The following SNX18 variants were observed in gnomAD, a reference collection of about 807,000 sequenced individuals.
SNX18 encodes the protein sorting nexin-18.
Under a neutral mutation model 48.7 loss-of-function variants are expected in SNX18, and 35 were observed. That is an observed-to-expected ratio of 0.72 (90% confidence interval 0.55 to 0.95). The LOEUF (loss-of-function observed/expected upper bound fraction) is 0.95, where lower values mean the gene tolerates loss of function less well. Among genes scored for constraint, SNX18 ranks in the 40% least tolerant of loss-of-function variants. SNX18 has a pLI of 0.00. For synonymous variants in SNX18, 492 were observed against 384.7 expected (o/e 1.28, Z -3.26); for missense variants, 824 against 871.0 (o/e 0.95, Z 0.68).
the SNX18 span, chr5:54,644,521 T>C: frequency 6.6e-6 from 1 of 152,186 alleles, no homozygotes; most frequent in Non-Finnish European, 1.5e-5. Flanking sequence ...TAAGAGAAAC[T>C]CAATTCGTTG....
At chr5:54,575,835 C>G in the SNX18 span, among the ~76,000 whole-genome samples, 1 of 152,138 alleles carries the variant, frequency 6.6e-6, no homozygotes, top group Non-Finnish European at 1.5e-5. Flanking sequence ...GTTTTACATC[C>G]TTCACCCCCA....
At chr5:54,642,622 C>T in the SNX18 span, among the ~76,000 whole-genome samples, 1 of 152,146 alleles carries the variant, frequency 6.6e-6, no homozygotes, top group Non-Finnish European at 1.5e-5. Context: ...GATGCAGGTC[C>T]ATATCCATGG....
chr5:54,534,241 T>TC (rs1225935089), intron 1 of SNX18, among the ~76,000 whole-genome samples: 2 of 151,504 alleles, frequency 1.3e-5, no homozygotes, highest in African/African-American at 2.4e-5. Flanking sequence ...TTTTTTCTTT[T>TC]TTTTTTTTTT....
intron 1 of SNX18, among the ~76,000 whole-genome samples, chr5:54,527,696 C>T (rs1325660348): frequency 1.3e-5 from 2 of 152,106 alleles, no homozygotes; most frequent in African/African-American, 4.8e-5. Context: ...ATTGTCTGTG[C>T]GGTGCTCAGT....
the SNX18 span, among the ~76,000 whole-genome samples, chr5:54,618,274 C>A: frequency 6.6e-6 from 1 of 152,204 alleles, no homozygotes; most frequent in Non-Finnish European, 1.5e-5. Flanking sequence ...CCAGGCCATG[C>A]GAAACTGTGA....
At chr5:54,529,325 G>T (rs1580099793) in intron 1 of SNX18, among the ~76,000 whole-genome samples, 1 of 152,164 alleles carries the variant, frequency 6.6e-6, no homozygotes, top group Non-Finnish European at 1.5e-5. Context: ...CTGGAGCGGG[G>T]TCTGCAGACT....
intron 1 of SNX18, among the ~76,000 whole-genome samples, chr5:54,524,864 CA>C (rs1432936282): frequency 6.6e-6 from 1 of 152,238 alleles, no homozygotes; most frequent in African/African-American, 2.4e-5. Context: ...ACAGGTCAGC[CA>C]GCCTCGGCAG....
the SNX18 span, chr5:54,644,279 G>A: frequency 1.3e-5 from 2 of 152,374 alleles, no homozygotes; most frequent in African/African-American, 2.4e-5. Context: ...ACAGCCAAGA[G>A]TGATGATAGC....
intron 1 of SNX18, chr5:54,521,012 C>T (rs1229528788): frequency 1.8e-5 from 3 of 164,798 alleles, no homozygotes; most frequent in Admixed American, 6.6e-5. Context: ...TTACCTATGC[C>T]TTTTTTTAAA....
Position 54,518,934 on chromosome 5 carries a change from C to G in SNX18, c.982C>G (p.Pro328Ala). The change falls in exon 1 of 2, where the codon CCG (proline) becomes GCG (alanine). Residue 328 changes from proline to alanine, a missense_variant. Physicochemically the swap from Pro to Ala is conservative, Grantham distance 27 (BLOSUM62 -1). This residue lies in a region of SNX18 where 443 missense variants were observed against 503.6 expected (regional missense o/e 0.88). Coordinates refer to ENST00000381410, the MANE Select transcript of SNX18 (RefSeq NM_001102575.2). ...GTACGCGCGCCTGGCGGAGAAGTTC[C>G]CGGTCATCTCCGTGCCCCACCTGCC... ...WLYARLAEKF[P>A]VISVPHLPEK... The G allele has an allele frequency of 6.2e-7, 1 of 1,613,840 alleles. No homozygotes were observed. Among genetic ancestry groups the G allele is most frequent in the Non-Finnish European group, 8.5e-7 (1 of 1,180,026 alleles).
the SNX18 span, among the ~76,000 whole-genome samples, chr5:54,559,828 A>C: frequency 6.6e-6 from 1 of 152,238 alleles, no homozygotes; most frequent in Non-Finnish European, 1.5e-5. Context: ...AAGGTCTAAT[A>C]TCCAGCATCT....
chr5:54,559,222 A>T, the SNX18 span, among the ~76,000 whole-genome samples: 1 of 152,220 alleles, frequency 6.6e-6, no homozygotes, highest in Non-Finnish European at 1.5e-5. Flanking sequence ...AGATAAAACT[A>T]TTTTAAAATT....
At chr5:54,621,847 T>C in the SNX18 span, among the ~76,000 whole-genome samples, 1 of 152,198 alleles carries the variant, frequency 6.6e-6, no homozygotes, top group East Asian at 1.9e-4. Context: ...CTGAATATGT[T>C]GTCTCAGAGG....
At chr5:54,526,458 G>T (rs566210392) in intron 1 of SNX18, among the ~76,000 whole-genome samples, 7 of 152,194 alleles carry the variant, frequency 4.6e-5, no homozygotes, top group Admixed American at 4.6e-4. Context: ...ATGAGTTTTA[G>T]TTCACTTGTC....
chr5:54,629,780 G>T, the SNX18 span, among the ~76,000 whole-genome samples: 1 of 152,166 alleles, frequency 6.6e-6, no homozygotes. Flanking sequence ...AGAGTTTGTG[G>T]ATATCTCGTC....
downstream of SNX18, among the ~76,000 whole-genome samples, chr5:54,548,031 GA>G (rs1203278645): frequency 1.3e-5 from 2 of 152,196 alleles, no homozygotes; most frequent in African/African-American, 4.8e-5. Context: ...CCCAGCAGTG[GA>G]AGCCAGGCCT....
chr5:54,557,870 A>G, the SNX18 span, among the ~76,000 whole-genome samples: 1 of 152,194 alleles, frequency 6.6e-6, no homozygotes, highest in Non-Finnish European at 1.5e-5. Context: ...GGACGCTCCC[A>G]TGTATTGTCT....
intron 1 of SNX18, among the ~76,000 whole-genome samples, chr5:54,540,364 C>T (rs1762444479): frequency 6.6e-6 from 1 of 152,066 alleles, no homozygotes; most frequent in Admixed American, 6.6e-5. Context: ...TATAGAAATG[C>T]ACTGCCATGA....
In SNX18 at chr5:54,519,370, G is replaced by T. The variant is rs1561112082; in HGVS notation, c.1418G>T (p.Gly473Val). ...EYQKVGQSFR[G>V]LSQAFELDQQ... is the part of the protein sequence containing the mutation. ...CAGAAGGTGGGCCAGTCCTTCCGCGGCCTCAGCCAGGCCTTTGAGCTGGAC... is the reference window on the plus strand; with the variant it reads ...CAGAAGGTGGGCCAGTCCTTCCGCGTCCTCAGCCAGGCCTTTGAGCTGGAC... The change falls in exon 1 of 2, where the codon GGC becomes GTC. Residue 473 changes from glycine (G) to valine (V), a missense_variant. Around this residue, in one of 3 missense-constraint regions of SNX18, gnomAD observed 443 missense variants for 503.6 expected, o/e 0.88. Transcript: ENST00000381410. The T allele has an allele frequency of 1.9e-6, 3 of 1,613,178 alleles. No individual in the cohort carries two copies. The highest frequency in any genetic ancestry group is 2.5e-6 in the Non-Finnish European group (3 of 1,179,520).
Sources: gnomAD v4.1 joint callset for allele counts (sites outside exome capture counted in the v4.1 genomes callset) on GRCh38, gnomAD v4.1.1 for gene constraint, gnomAD v4.1.1 regional missense constraint, MANE v1.5 for transcripts, NCBI Gene and HGNC (gene_info 2026-07-23, HGNC 2026-07-21) for gene names.